The following GATA2 variants were observed in gnomAD, a reference collection of about 807,000 sequenced individuals.
GATA2 encodes GATA binding protein 2, also known as endothelial transcription factor GATA-2.
In GATA2, 6 loss-of-function variants were observed where a neutral mutation model predicts 35.7. That is an observed-to-expected ratio of 0.17 (90% CI 0.09 to 0.33). The LOEUF is 0.33. Ranked by LOEUF, GATA2 falls within the 10% of genes least tolerant of loss-of-function variation. The pLI, the probability that GATA2 is intolerant of heterozygous loss-of-function variation, is 1.00. For synonymous variants in GATA2, 313 were observed against 274.9 expected, an observed-to-expected ratio of 1.14 and a Z score of -1.37; for missense variants, 541 against 656.6, an observed-to-expected ratio of 0.82 and a Z score of 1.92.
intron 3 of GATA2, among the ~76,000 whole-genome samples, chr3:128,484,925 A>T (rs1334807008): frequency 6.6e-6 from 1 of 152,196 alleles, no homozygotes; most frequent in Admixed American, 6.5e-5. Context: ...TGCACTCAGG[A>T]GTAACTGTTT....
intron 4 of GATA2, among the ~76,000 whole-genome samples, chr3:128,483,403 A>G (rs2068654997): frequency 6.6e-6 from 1 of 152,236 alleles, no homozygotes; most frequent in Admixed American, 6.5e-5. Flanking sequence ...AATACACAGT[A>G]TAGGTGACTC....
intron 1 of GATA2, among the ~76,000 whole-genome samples, chr3:128,487,288 A>G (rs1472689324): frequency 1.3e-5 from 2 of 152,230 alleles, no homozygotes; most frequent in Non-Finnish European, 2.9e-5. Context: ...CCGCGGCTCC[A>G]GAATCACACA....
Position 128,486,260 on chromosome 3 carries a change from T to C in GATA2, c.338A>G (p.His113Arg), listed in dbSNP as rs1576749120. 1.3e-6 allele frequency: 2 copies of C among 1,569,930 alleles called. No homozygotes were observed. Among genetic ancestry groups the C allele is most frequent in the Non-Finnish European group, 1.7e-6 (2 of 1,158,348 alleles). ...GAAGGGGCTCACGGTCCAGGGGTTG[T>C]GGTGGTGGGCCGCAGCGGCAGAGAG... ...AALSAAAAHH[H>R]NPWTVSPFSK... is the part of the protein sequence containing the mutation. The change falls in exon 3 of 6, where the codon CAC (histidine) becomes CGC (arginine). Residue 113 changes from histidine (H) to arginine (R), a missense_variant. Transcript: ENST00000341105.
chr3:128,490,297 T>C (rs2068755560), intron 1 of GATA2: 4 of 152,258 alleles, frequency 2.6e-5, no homozygotes, highest in Non-Finnish European at 5.9e-5. Flanking sequence ...GGGATTTAAT[T>C]ACCCCGCTCG....
In GATA2 at chr3:128,480,167, A is replaced by G. The variant is rs372961643; in HGVS notation, c.*852T>C. 4.3e-6 allele frequency: 1 copy of G among 233,188 alleles called. No homozygotes were observed. The allele number at this position is 233,188 out of a possible 1,614,324, so 14.4% of individuals were successfully genotyped here. A position where few individuals can be genotyped will look rare whatever the true frequency, so the allele number is the denominator to read the frequency against. ...CGAGTTAAGCCTATGCATTTTTTTA[A>G]TATTTTTTCTTTTGTCTCAGAGTAG... On this transcript the variant is annotated 3_prime_UTR_variant, in exon 6 of 6. Transcript: ENST00000341105.
chr3:128,490,988 T>C (rs2068761393), intron 1 of GATA2, among the ~76,000 whole-genome samples: 1 of 152,192 alleles, frequency 6.6e-6, no homozygotes. Context: ...AAGATTTCTC[T>C]GAGGACTGGA....
chr3:128,485,344 A>C (rs541540122), intron 3 of GATA2, among the ~76,000 whole-genome samples: 1 of 152,276 alleles, frequency 6.6e-6, no homozygotes, highest in Admixed American at 6.5e-5. Flanking sequence ...ACACATGCAC[A>C]CACGCTCCCA....
At position 128,486,320 on chromosome 3, in the gene GATA2, G is replaced by A. The variant is rs1269493584; in HGVS notation, c.278C>T (p.Pro93Leu). The change falls in exon 3 of 6, where the codon CCG (proline) becomes CTG (leucine). Residue 93 changes from proline (P) to leucine (L), a missense_variant. Around this residue, in one of 5 missense-constraint regions of GATA2, gnomAD observed 389 missense variants for 396.9 expected, o/e 0.98. Coordinates refer to ENST00000341105, the MANE Select transcript of GATA2 (RefSeq NM_032638.5). ...QMCRPHLLHS[P>L]GLPWLDGGKA... ...GCCCCCGTCCAGCCAGGGCAAACCC[G>A]GGCTGTGCAACAAGTGTGGGCGGCA... 1.3e-6 allele frequency: 2 copies of A among 1,598,754 alleles called. No homozygotes were observed. Among genetic ancestry groups the A allele is most frequent in the South Asian group, 1.1e-5 (1 of 87,988 alleles).
intron 2 of GATA2, 70 bp from the exon 3 acceptor site, chr3:128,486,438 GACAGACATTGAGATC>G: frequency 6.5e-7 from 1 of 1,540,488 alleles, no homozygotes; most frequent in South Asian, 1.2e-5. Flanking sequence ...GGACGCCCCT[GACAGACATTGAGATC>G]ACGACTCCCA....
intron 1 of GATA2, chr3:128,489,570 C>T (rs2068748223): frequency 6.6e-6 from 1 of 152,162 alleles, no homozygotes; most frequent in Non-Finnish European, 1.5e-5. Flanking sequence ...GAACTCCACT[C>T]TGCGGGAGCG....
chr3:128,486,109 T>C lies in GATA2; in HGVS notation c.489A>G (p.Ala163=). ...GSSVASLTPT[A]AHSGSHLFGF... Reference sequence around the variant, plus strand: ...CGAAAAGGTGGGAGCCAGAGTGGGCTGCTGTAGGGGTGAGGGAGGCCACTG... The same window carrying C: ...CGAAAAGGTGGGAGCCAGAGTGGGCCGCTGTAGGGGTGAGGGAGGCCACTG... Residue 163 remains alanine, a synonymous_variant, in exon 3 of 6, where the codon GCA becomes GCG. Coordinates refer to ENST00000341105, the MANE Select transcript of GATA2 (RefSeq NM_032638.5). The C allele has an allele frequency of 6.2e-7, 1 of 1,612,944 alleles. No homozygotes were observed. Among genetic ancestry groups the C allele is most frequent in the Non-Finnish European group, 8.5e-7 (1 of 1,179,768 alleles).
At chr3:128,482,076 A>T in intron 4 of GATA2, 132 bp from the exon 5 acceptor site, 1 of 1,128,084 alleles carries the variant, frequency 8.9e-7, no homozygotes, top group African/African-American at 1.6e-5. Flanking sequence ...GAATCAAAGC[A>T]TCTCAGAACC....
intron 1 of GATA2, among the ~76,000 whole-genome samples, 185 bp downstream of exon 1, chr3:128,492,714 G>C (rs2068792320): frequency 6.6e-6 from 1 of 152,216 alleles, no homozygotes; most frequent in South Asian, 2.1e-4. Flanking sequence ...GCTGTGCCCA[G>C]GTAACCAAAT....
At chr3:128,487,893 C>A (rs1257670338) in intron 1 of GATA2, 1 of 152,570 alleles carries the variant, frequency 6.6e-6, no homozygotes, top group Admixed American at 6.5e-5. Flanking sequence ...TCGGCATCCT[C>A]CGGCCGCCCT....
chr3:128,487,103 TG>T lies in GATA2; in HGVS notation c.-45-28del. ...TGCGCGAGGAAGGGGGAGTGAGGCG[TG>T]CCGCCAGCGCCTGACACCCCCCAAA... On this transcript the variant is annotated intron_variant, in intron 1 of 5. Coordinates refer to ENST00000341105, the MANE Select transcript of GATA2 (RefSeq NM_032638.5). 6.9e-6 allele frequency: 9 copies of T among 1,301,896 alleles called. No individual in the cohort carries two copies. In the South Asian group the frequency reaches 1.3e-4, roughly 18 times the overall value. The allele number at this position is 1,301,896 out of a possible 1,614,324, so 80.6% of individuals were successfully genotyped here. A position where few individuals can be genotyped will look rare whatever the true frequency, so the allele number is the denominator to read the frequency against.
rs2068614723 is a variant in GATA2 at position 128,480,714 on chromosome 3, A to G, written c.*305T>C. 2 of 389,980 alleles carry G rather than the reference A, an allele frequency of 5.1e-6. No homozygotes were observed. Among genetic ancestry groups the G allele is most frequent in the Admixed American group, 8.2e-5 (2 of 24,392 alleles). 24.2% of individuals were successfully genotyped at this position (389,980 alleles called of 1,614,324 possible). On this transcript the variant is annotated 3_prime_UTR_variant, in exon 6 of 6. Transcript: ENST00000341105. ...TTTTTGCCTAATCCTTTTTCCTTCT[A>G]AAAATGGTTGCCTTCGTCTGTCCCG...
Position 128,484,163 on chromosome 3 carries a change from G to T in GATA2, c.872-158C>A, listed in dbSNP as rs2659689. Among the ~76,000 whole-genome samples the T allele has an allele frequency of 0.6, 91,686 of 152,104 alleles. 27,982 individuals are homozygous for T. The highest frequency in any genetic ancestry group is 0.7 in the Middle Eastern group (207 of 294). On this transcript the variant is annotated intron_variant, in intron 3 of 5. Transcript: ENST00000341105. ...CAACAGCCTGGGCAGGAAGAGGGAC[G>T]AGAGGGTCTCCCACATGGGAGGGGG...
chr3:128,485,987 C>T lies in GATA2; in HGVS notation c.611G>A (p.Arg204Gln), dbSNP rs1460001422. 2 of 1,606,344 alleles carry T rather than the reference C, an allele frequency of 1.2e-6. No homozygotes were observed. The highest frequency in any genetic ancestry group is 3.3e-5 in the Admixed American group (2 of 59,722). ...CTTGACGCCGTCCTTGTCCTCTCCT[C>T]GGGCTGCACTACCCCCCGCGGAAGA... ...ASSSAGGSAA[R>Q]GEDKDGVKYQ... is the part of the protein sequence containing the mutation. Residue 204 changes from arginine (R) to glutamine (Q), a missense_variant, in exon 3 of 6, where the codon CGA becomes CAA. Physicochemically the swap from Arg to Gln is conservative, Grantham distance 43 (BLOSUM62 1). Around this residue, in one of 5 missense-constraint regions of GATA2, gnomAD observed 389 missense variants for 396.9 expected, o/e 0.98. Transcript: ENST00000341105.
At position 128,486,119 on chromosome 3, in the gene GATA2, G is replaced by C. The variant is rs751621459; in HGVS notation, c.479C>G (p.Thr160Ser). ...GGAGCCAGAGTGGGCTGCTGTAGGG[G>C]TGAGGGAGGCCACTGAGCTCCCGCT... ...GGSGSSVASL[T>S]PTAAHSGSHL... is the part of the protein sequence containing the mutation. Residue 160 changes from threonine (T) to serine (S), a missense_variant, in exon 3 of 6, where the codon ACC (threonine) becomes AGC (serine). Around this residue, in one of 5 missense-constraint regions of GATA2, gnomAD observed 389 missense variants for 396.9 expected, o/e 0.98. Coordinates refer to ENST00000341105, the MANE Select transcript of GATA2 (RefSeq NM_032638.5). The C allele has an allele frequency of 5.6e-6, 9 of 1,611,646 alleles. No individual in the cohort carries two copies. Among genetic ancestry groups the C allele is most frequent in the African/African-American group, 1.3e-5 (1 of 75,022 alleles).
Sources: gnomAD v4.1 joint callset for allele counts (sites outside exome capture counted in the v4.1 genomes callset) on GRCh38, gnomAD v4.1.1 for gene constraint, gnomAD v4.1.1 regional missense constraint, MANE v1.5 for transcripts, NCBI Gene and HGNC (gene_info 2026-07-23, HGNC 2026-07-21) for gene names.